ATF2: variants seen among roughly 807,000 people sequenced by gnomAD.
The protein encoded by ATF2 is cyclic AMP-dependent transcription factor ATF-2.
Under a neutral mutation model 60.6 loss-of-function variants are expected in ATF2, and 24 were observed. The ratio of observed to expected loss-of-function variants is 0.40; its 90% confidence interval spans 0.29 to 0.56. The LOEUF (loss-of-function observed/expected upper bound fraction) is 0.56, where lower values mean the gene tolerates loss of function less well. ATF2 is among the 20% of genes least tolerant of loss of function. ATF2 has a pLI of 0.54. For missense variants in ATF2, 433 were observed against 607.7 expected, an observed-to-expected ratio of 0.71 and a Z score of 3.02; for synonymous variants, 206 against 215.4, an observed-to-expected ratio of 0.96 and a Z score of 0.38.
At chr2:175,080,302 T>C (rs529307770) in intron 13 of ATF2, 6 of 157,730 alleles carry the variant, frequency 3.8e-5, no homozygotes, top group Admixed American at 1.3e-4. Context: ...TCATCATTAA[T>C]GAACGGAGGC....
chr2:175,132,546 T>G (rs1183385939), intron 3 of ATF2: 3 of 152,216 alleles, frequency 2.0e-5, no homozygotes, highest in Non-Finnish European at 4.4e-5. Context: ...TTTTAAGATG[T>G]TTACAATCTA....
At chr2:175,157,244 A>C (rs191699501) in intron 1 of ATF2, among the ~76,000 whole-genome samples, 3 of 152,306 alleles carry the variant, frequency 2.0e-5, no homozygotes, top group Non-Finnish European at 2.9e-5. Flanking sequence ...TGCCATTACT[A>C]GGATGTCAGA....
chr2:175,150,332 T>G (rs1456484802), intron 2 of ATF2, among the ~76,000 whole-genome samples: 1 of 152,168 alleles, frequency 6.6e-6, no homozygotes, highest in Non-Finnish European at 1.5e-5. Context: ...TTTTGATATA[T>G]CTAACAAAGT....
chr2:175,124,320 C>T (rs1442253272), intron 4 of ATF2, among the ~76,000 whole-genome samples: 1 of 150,666 alleles, frequency 6.6e-6, no homozygotes, highest in African/African-American at 2.4e-5. Context: ...AGGTGCCTAG[C>T]AGGTAGCAAT....
At chr2:175,105,519 C>A (rs1390177437) in intron 10 of ATF2, among the ~76,000 whole-genome samples, 2 of 151,926 alleles carry the variant, frequency 1.3e-5, no homozygotes, top group South Asian at 4.2e-4. Context: ...TCTTAGAACC[C>A]AAGAAATGTT....
At chr2:175,078,638 A>T (rs891615082) in intron 13 of ATF2, among the ~76,000 whole-genome samples, 1 of 152,126 alleles carries the variant, frequency 6.6e-6, no homozygotes, top group Non-Finnish European at 1.5e-5. Context: ...ATTTTGTAAC[A>T]TTCCTTAATT....
chr2:175,131,341 C>T (rs1039035275), intron 3 of ATF2, among the ~76,000 whole-genome samples: 5 of 152,132 alleles, frequency 3.3e-5, no homozygotes, highest in African/African-American at 7.2e-5. Flanking sequence ...GTTAAACAAA[C>T]GGAAAATCAT....
intron 13 of ATF2, 48 bp downstream of exon 13, chr2:175,080,612 T>C (rs1693697266): frequency 7.1e-7 from 1 of 1,410,002 alleles, no homozygotes; most frequent in Non-Finnish European, 9.9e-7. Flanking sequence ...ACTCTGACGG[T>C]ATTTCACTGA....
chr2:175,146,909 T>C (rs1175161360), intron 2 of ATF2, among the ~76,000 whole-genome samples: 3 of 152,180 alleles, frequency 2.0e-5, no homozygotes, highest in Admixed American at 1.3e-4. Flanking sequence ...ATAACCATTA[T>C]ATAATTAGCA....
intron 3 of ATF2, among the ~76,000 whole-genome samples, chr2:175,133,814 TAAAAG>T (rs1374054044): frequency 1.3e-5 from 2 of 152,094 alleles, no homozygotes; most frequent in East Asian, 3.9e-4. Flanking sequence ...AAAAGGTCCA[TAAAAG>T]AAAAGATTGA....
At chr2:175,134,542 A>T (rs1697997362) in intron 3 of ATF2, among the ~76,000 whole-genome samples, 3 of 108,706 alleles carry the variant, frequency 2.8e-5, no homozygotes, top group Admixed American at 2.0e-4. Context: ...AACTGGTTTA[A>T]AAAAAAAAAA....
intron 4 of ATF2, 84 bp from the exon 5 acceptor site, chr2:175,121,624 A>T: frequency 9.6e-7 from 1 of 1,043,410 alleles, no homozygotes. Flanking sequence ...TTTCCACAAC[A>T]TGTAAAACCA....
chr2:175,120,240 C>T (rs1696860354), intron 5 of ATF2, among the ~76,000 whole-genome samples: 1 of 150,984 alleles, frequency 6.6e-6, no homozygotes, highest in Non-Finnish European at 1.5e-5. Flanking sequence ...GAGGTTGTTA[C>T]TATTTTGCTT....
At chr2:175,104,430 A>T (rs1439472457) in intron 10 of ATF2, among the ~76,000 whole-genome samples, 1 of 152,142 alleles carries the variant, frequency 6.6e-6, no homozygotes, top group Non-Finnish European at 1.5e-5. Context: ...CAAAAGCAGT[A>T]AAAGAAGAAA....
At chr2:175,165,698 C>T in intron 1 of ATF2, among the ~76,000 whole-genome samples, 1 of 152,190 alleles carries the variant, frequency 6.6e-6, no homozygotes, top group East Asian at 1.9e-4. Context: ...GAGACGGAGT[C>T]TCGCTGTGTC....
chr2:175,139,586 T>A (rs749041340), intron 2 of ATF2, among the ~76,000 whole-genome samples: 1 of 151,610 alleles, frequency 6.6e-6, no homozygotes, highest in Non-Finnish European at 1.5e-5. Context: ...GGCAGGAGAA[T>A]TGCTTAAACC....
chr2:175,146,290 TAACA>T lies in ATF2; in HGVS notation c.-44+4766_-44+4769del, dbSNP rs1227476442. ...CCGATTTTAAAAGACCAATGCGACA[TAACA>T]AATAATTGCAACCTGAGATTCTAGA... On this transcript the variant is annotated intron_variant, in intron 2 of 13. Coordinates refer to ENST00000264110, the MANE Select transcript of ATF2 (RefSeq NM_001880.4). Among the ~76,000 whole-genome samples, 3 of 152,154 alleles carry T rather than the reference TAACA, an allele frequency of 2.0e-5. No individual in the cohort carries two copies. In the East Asian group the frequency reaches 5.8e-4, roughly 29 times the overall value.
chr2:175,129,960 T>C (rs887498688), intron 4 of ATF2, among the ~76,000 whole-genome samples, 178 bp downstream of exon 4: 7 of 152,050 alleles, frequency 4.6e-5, no homozygotes, highest in Non-Finnish European at 8.8e-5. Flanking sequence ...TAAAGCTCAG[T>C]TGCACTATTG....
intron 4 of ATF2, among the ~76,000 whole-genome samples, chr2:175,129,803 G>A (rs1165254251): frequency 6.6e-6 from 1 of 151,764 alleles, no homozygotes; most frequent in Non-Finnish European, 1.5e-5. Context: ...ATATAATATC[G>A]ATCTGATTTC....
Sources: allele counts gnomAD v4.1 joint callset (sites outside exome capture counted in the v4.1 genomes callset), GRCh38; gene constraint gnomAD v4.1.1; transcripts MANE v1.5; gene names NCBI Gene and HGNC (gene_info 2026-07-23, HGNC 2026-07-21).